The following SGCD variants were observed in gnomAD, a reference collection of about 807,000 sequenced individuals.
SGCD encodes the protein sarcoglycan delta.
SGCD carries 18 observed loss-of-function variants against 36.6 expected under a neutral mutation model. The ratio of observed to expected loss-of-function variants is 0.49; its 90% CI spans 0.34 to 0.73. The LOEUF is 0.73. Among genes scored for constraint, SGCD ranks in the 30% least tolerant of loss-of-function variants. The pLI, the probability that SGCD is intolerant of heterozygous loss-of-function variation, is 0.01. For synonymous variants in SGCD, 133 were observed against 130.6 expected (o/e 1.02, Z -0.12); for missense variants, 387 against 346.7 (o/e 1.12, Z -0.92).
the SGCD span, among the ~76,000 whole-genome samples, chr5:155,845,035 A>G: frequency 6.6e-6 from 1 of 151,862 alleles, no homozygotes; most frequent in East Asian, 1.9e-4. Context: ...CTAGTCCCCC[A>G]TCCATGACAG....
At chr5:155,742,339 A>G in the SGCD span, among the ~76,000 whole-genome samples, 1 of 152,158 alleles carries the variant, frequency 6.6e-6, no homozygotes, top group East Asian at 1.9e-4. Context: ...ACCAATAATC[A>G]TTTTTGATCA....
intron 4 of SGCD, 44 bp downstream of exon 4, chr5:156,508,746 A>G (rs760222529): frequency 8.6e-7 from 1 of 1,157,256 alleles, no homozygotes; most frequent in Non-Finnish European, 1.3e-6. Context: ...TTGCTCTAGA[A>G]TCTAAATCTG....
intron 7 of SGCD, among the ~76,000 whole-genome samples, chr5:156,743,990 C>T (rs866947777): frequency 6.6e-6 from 1 of 152,098 alleles, no homozygotes; most frequent in South Asian, 2.1e-4. Context: ...AATTGGTTCC[C>T]CTGAGTACAA....
intron 6 of SGCD, among the ~76,000 whole-genome samples, chr5:156,627,679 A>G (rs1329511316): frequency 1.3e-5 from 2 of 152,330 alleles, no homozygotes; most frequent in East Asian, 3.9e-4. Context: ...AAGGCTCTAC[A>G]TTCATATAGT....
intron 7 of SGCD, among the ~76,000 whole-genome samples, chr5:156,742,092 G>A (rs573068974): frequency 5.9e-4 from 90 of 152,204 alleles, no homozygotes; most frequent in Middle Eastern, 3.4e-3. Flanking sequence ...TAGCCAAGAT[G>A]GTCTCGATCT....
chr5:156,439,783 G>A (rs1003394557), intron 3 of SGCD, among the ~76,000 whole-genome samples: 1 of 152,066 alleles, frequency 6.6e-6, no homozygotes, highest in Non-Finnish European at 1.5e-5. Context: ...TCACTGTGCA[G>A]GATGCTCCAC....
intron 2 of SGCD, among the ~76,000 whole-genome samples, chr5:156,334,813 G>A (rs566870684): frequency 6.6e-6 from 1 of 152,112 alleles, no homozygotes; most frequent in Admixed American, 6.5e-5. Flanking sequence ...ACAGCGTCAG[G>A]GGAGGAACTG....
intron 1 of SGCD, among the ~76,000 whole-genome samples, chr5:155,873,693 A>G (rs932461707): frequency 6.6e-6 from 1 of 152,172 alleles, no homozygotes; most frequent in Non-Finnish European, 1.5e-5. Context: ...AAAAAGAAAA[A>G]GTCATTACCA....
chr5:156,730,414 C>T (rs1487894149), intron 7 of SGCD, among the ~76,000 whole-genome samples: 3 of 152,124 alleles, frequency 2.0e-5, no homozygotes, highest in African/African-American at 7.2e-5. Context: ...TGTTGTTCCC[C>T]TGTATGTATC....
At chr5:156,032,143 A>C (rs887960765) in intron 1 of SGCD, among the ~76,000 whole-genome samples, 1 of 146,012 alleles carries the variant, frequency 6.8e-6, no homozygotes, top group African/African-American at 2.7e-5. Flanking sequence ...ACTTAAAATA[A>C]AAAAAAAAAC....
intron 1 of SGCD, among the ~76,000 whole-genome samples, chr5:156,078,698 A>G (rs1005439441): frequency 2.0e-5 from 3 of 149,160 alleles, no homozygotes; most frequent in Admixed American, 6.7e-5. Context: ...GTGTGTATGT[A>G]TATATATATA....
chr5:155,939,740 C>T (rs1757286437), intron 1 of SGCD, among the ~76,000 whole-genome samples: 1 of 151,512 alleles, frequency 6.6e-6, no homozygotes, highest in African/African-American at 2.4e-5. Context: ...TGGGCCTTGA[C>T]ACTTGGCTAA....
At chr5:156,083,295 CCT>C (rs1491475146) in intron 1 of SGCD, among the ~76,000 whole-genome samples, 2 of 150,394 alleles carry the variant, frequency 1.3e-5, no homozygotes, top group Non-Finnish European at 2.9e-5. Flanking sequence ...TCATTTTTTT[CCT>C]TTTTTTTTTT....
intron 3 of SGCD, among the ~76,000 whole-genome samples, chr5:156,236,982 C>T (rs992669470): frequency 6.6e-6 from 1 of 151,892 alleles, no homozygotes; most frequent in Non-Finnish European, 1.5e-5. Context: ...TACAGGCAGG[C>T]ACCACCATGC....
At chr5:156,619,684 G>A (rs1007819650) in intron 6 of SGCD, among the ~76,000 whole-genome samples, 4 of 151,984 alleles carry the variant, frequency 2.6e-5, no homozygotes, top group Non-Finnish European at 4.4e-5. Context: ...GTATTCCACC[G>A]TGATACCAGG....
At chr5:155,728,442 G>A in the SGCD span, among the ~76,000 whole-genome samples, 1 of 152,210 alleles carries the variant, frequency 6.6e-6, no homozygotes, top group South Asian at 2.1e-4. Context: ...CGGGGAGGAG[G>A]ACTAGAACAG....
At chr5:155,943,642 C>G (rs1452732062) in intron 1 of SGCD, among the ~76,000 whole-genome samples, 1 of 152,118 alleles carries the variant, frequency 6.6e-6, no homozygotes, top group African/African-American at 2.4e-5. Context: ...ATTAAAGTTT[C>G]ACAGGTGTAA....
intron 5 of SGCD, among the ~76,000 whole-genome samples, chr5:156,592,020 C>A (rs1329350887): frequency 6.6e-6 from 1 of 152,148 alleles, no homozygotes; most frequent in Non-Finnish European, 1.5e-5. Context: ...AGCAAGATAG[C>A]TTAATTGTAC....
chr5:156,516,037 CA>C (rs1757143696), intron 4 of SGCD, among the ~76,000 whole-genome samples: 1 of 152,218 alleles, frequency 6.6e-6, no homozygotes, highest in African/African-American at 2.4e-5. Context: ...AATGGACCCC[CA>C]GGGGGAGAAG....
Sources: allele counts gnomAD v4.1 joint callset (sites outside exome capture counted in the v4.1 genomes callset), GRCh38; gene constraint gnomAD v4.1.1; transcripts MANE v1.5; gene names NCBI Gene and HGNC (gene_info 2026-07-23, HGNC 2026-07-21).